Variants in STAU2 observed in about 807,000 individuals in gnomAD.
STAU2 encodes staufen double-stranded RNA binding protein 2.
In STAU2, 20 loss-of-function variants were observed where a neutral mutation model predicts 65.9. The observed-to-expected ratio is 0.30, with a 90% CI of 0.21 to 0.44. The LOEUF (loss-of-function observed/expected upper bound fraction) is 0.44, where lower values mean the gene tolerates loss of function less well. STAU2 is among the 20% of genes least tolerant of loss of function. The probability of loss-of-function intolerance (pLI) is 1.00; values close to 1 mark genes in which losing one functional copy is unlikely to be tolerated. For missense variants in STAU2, 558 were observed against 683.9 expected (o/e 0.82, Z 2.05); for synonymous variants, 232 against 233.9 (o/e 0.99, Z 0.07).
At chr8:73,437,350 A>G (rs943870600) in intron 13 of STAU2, among the ~76,000 whole-genome samples, 1 of 152,226 alleles carries the variant, frequency 6.6e-6, no homozygotes, top group Non-Finnish European at 1.5e-5. Context: ...GGACAGAGAT[A>G]GAGACATGAT....
chr8:73,645,223 A>G lies in STAU2; in HGVS notation c.411-27772T>C, dbSNP rs1408726105. Among the ~76,000 whole-genome samples, 2 of 152,232 alleles carry G rather than the reference A, an allele frequency of 1.3e-5. 1 individual carries two copies. Among genetic ancestry groups the G allele is most frequent in the South Asian group, 4.1e-4 (2 of 4,826 alleles). On this transcript the variant is annotated intron_variant, in intron 6 of 14. Transcript: ENST00000524300. ...ATATTAGCAAGTAGAATTTAGCAAC[A>G]TACATAAAGAATCTTAGACCATGAC... is the stretch of plus-strand genomic sequence containing the variant.
intron 6 of STAU2, among the ~76,000 whole-genome samples, chr8:73,649,869 TTATATATATATA>T (rs55814743): frequency 1.1e-3 from 82 of 71,624 alleles, no homozygotes; most frequent in African/African-American, 3.1e-3. Flanking sequence ...CTATATAATT[TTATATATATATA>T]TATATATATA....
intron 4 of STAU2, among the ~76,000 whole-genome samples, chr8:73,693,669 A>C (rs1418638597): frequency 2.0e-5 from 3 of 152,198 alleles, no homozygotes; most frequent in Non-Finnish European, 4.4e-5. Context: ...CTTTTCTACA[A>C]TCTCTCTTAA....
At chr8:73,575,184 C>G (rs1413352276) in intron 12 of STAU2, among the ~76,000 whole-genome samples, 3 of 149,136 alleles carry the variant, frequency 2.0e-5, no homozygotes, top group Non-Finnish European at 3.0e-5. Context: ...AAAGGGACAT[C>G]AGATATGGTT....
At chr8:73,588,615 C>A (rs1178896585) in intron 11 of STAU2, among the ~76,000 whole-genome samples, 1 of 152,236 alleles carries the variant, frequency 6.6e-6, no homozygotes, top group South Asian at 2.1e-4. Context: ...TCCTATATGC[C>A]GTTGGGGCAA....
At chr8:73,660,077 T>C (rs1586215150) in intron 6 of STAU2, among the ~76,000 whole-genome samples, 1 of 152,178 alleles carries the variant, frequency 6.6e-6, no homozygotes, top group Admixed American at 6.5e-5. Context: ...CCCAAAATTA[T>C]AGACATTTTT....
intron 13 of STAU2, among the ~76,000 whole-genome samples, chr8:73,427,171 G>A (rs542827686): frequency 4.6e-4 from 70 of 151,958 alleles, no homozygotes; most frequent in Non-Finnish European, 8.8e-4. Flanking sequence ...CAGGTGACCC[G>A]CCTGCCTCAG....
chr8:73,461,791 G>C (rs16938667), intron 13 of STAU2, among the ~76,000 whole-genome samples: 1,830 of 152,232 alleles, frequency 0.012, 20 homozygotes, highest in South Asian at 0.016. Context: ...CTCAAACTCA[G>C]AGCCTGCAGG....
At chr8:73,663,630 CAA>C (rs57173658) in intron 6 of STAU2, among the ~76,000 whole-genome samples, 29 of 140,920 alleles carry the variant, frequency 2.1e-4, no homozygotes, top group Middle Eastern at 3.5e-3. Context: ...TTAATTTTAC[CAA>C]AAAAAAAAAA....
intron 13 of STAU2, among the ~76,000 whole-genome samples, chr8:73,538,407 G>A (rs1340843957): frequency 6.6e-6 from 1 of 152,002 alleles, no homozygotes; most frequent in East Asian, 1.9e-4. Context: ...AGCCTATTAA[G>A]AATAGATAAT....
chr8:73,627,233 A>AGGGGGGGG (rs1563467228), intron 6 of STAU2, among the ~76,000 whole-genome samples: 19 of 5,076 alleles, frequency 3.7e-3, no homozygotes, highest in Admixed American at 4.7e-3. Context: ...AGGGGGGGGC[A>AGGGGGGGG]GGAGGGCGGG....
intron 12 of STAU2, among the ~76,000 whole-genome samples, chr8:73,571,479 T>C (rs1280404590): frequency 2.0e-5 from 3 of 152,136 alleles, no homozygotes; most frequent in African/African-American, 4.8e-5. Flanking sequence ...TATTCCAAAA[T>C]TGATCACAGA....
intron 13 of STAU2, among the ~76,000 whole-genome samples, chr8:73,436,453 T>C (rs2128886638): frequency 6.6e-6 from 1 of 151,974 alleles, no homozygotes; most frequent in South Asian, 2.1e-4. Context: ...TATCTATTTA[T>C]ATTTTTCAGC....
At chr8:73,682,694 A>G (rs1280015056) in intron 5 of STAU2, among the ~76,000 whole-genome samples, 1 of 152,136 alleles carries the variant, frequency 6.6e-6, no homozygotes, top group Non-Finnish European at 1.5e-5. Flanking sequence ...CTTTGAAAAG[A>G]TAAACAAAAT....
intron 13 of STAU2, among the ~76,000 whole-genome samples, chr8:73,541,029 C>T (rs114312632): frequency 1.7e-4 from 26 of 152,276 alleles, no homozygotes; most frequent in African/African-American, 6.3e-4. Context: ...ACTTCACATG[C>T]ACAAGGGAGA....
intron 7 of STAU2, 91 bp downstream of exon 7, chr8:73,617,201 G>T: frequency 6.8e-7 from 1 of 1,470,202 alleles, no homozygotes; most frequent in South Asian, 1.3e-5. Flanking sequence ...TTCCCTATCA[G>T]AACAGATTAT....
chr8:73,585,633 C>A (rs182717326), intron 11 of STAU2, among the ~76,000 whole-genome samples: 3 of 152,150 alleles, frequency 2.0e-5, no homozygotes, highest in South Asian at 2.1e-4. Context: ...GTAATTACTA[C>A]GAGAACTTCT....
At chr8:73,611,707 TCA>T (rs1325149239) in intron 9 of STAU2, among the ~76,000 whole-genome samples, 1 of 151,142 alleles carries the variant, frequency 6.6e-6, no homozygotes, top group African/African-American at 2.4e-5. Flanking sequence ...AGATGGAATC[TCA>T]TTCTGTCACC....
At position 73,544,493 on chromosome 8, in the gene STAU2, T is replaced by C. The variant is rs565917431; in HGVS notation, c.1530+7519A>G. Among the ~76,000 whole-genome samples the C allele has an allele frequency of 1.6e-4, 25 of 152,338 alleles. No individual in the cohort carries two copies. In the South Asian group the frequency reaches 4.6e-3, roughly 28 times the overall value. On this transcript the variant is annotated intron_variant, in intron 13 of 14. Coordinates refer to ENST00000524300, the MANE Select transcript of STAU2 (RefSeq NM_001164380.2). Reference sequence around the variant, plus strand: ...CACACATTTTTTTCAGCCTCCTCACTAGCCACTTCCACTTTAAATTATTTT... The same window carrying C: ...CACACATTTTTTTCAGCCTCCTCACCAGCCACTTCCACTTTAAATTATTTT...
Sources: gnomAD v4.1 joint callset for allele counts (sites outside exome capture counted in the v4.1 genomes callset) on GRCh38, gnomAD v4.1.1 for gene constraint, MANE v1.5 for transcripts, NCBI Gene and HGNC (gene_info 2026-07-23, HGNC 2026-07-21) for gene names.